Variants in NCAM1 observed in about 807,000 individuals in gnomAD.
NCAM1 encodes the protein antigen recognized by monoclonal antibody 5.1H11.
A neutral mutation model predicts 109.8 loss-of-function variants in NCAM1; 14 were observed. That is an observed-to-expected ratio of 0.13 (90% CI 0.08 to 0.20). NCAM1 has a LOEUF of 0.20. Ranked by LOEUF, NCAM1 falls within the 10% of genes least tolerant of loss-of-function variation. The probability of loss-of-function intolerance (pLI) is 1.00; values close to 1 mark genes in which losing one functional copy is unlikely to be tolerated. For missense variants in NCAM1, 774 were observed against 1,109.9 expected, an observed-to-expected ratio of 0.70 and a Z score of 4.30; for synonymous variants, 418 against 442.9, an observed-to-expected ratio of 0.94 and a Z score of 0.70.
chr11:113,107,153 G>A (rs1218298762), intron 1 of NCAM1, among the ~76,000 whole-genome samples: 1 of 152,200 alleles, frequency 6.6e-6, no homozygotes, highest in Non-Finnish European at 1.5e-5. Context: ...ACTTGGGAGA[G>A]TGTGGTTATA....
chr11:113,000,847 T>TATATACAC (rs1306306918), intron 1 of NCAM1, among the ~76,000 whole-genome samples: 27 of 113,586 alleles, frequency 2.4e-4, no homozygotes, highest in African/African-American at 9.5e-4. Context: ...TATATATATA[T>TATATACAC]ACACAAAAAA....
chr11:113,038,885 T>C (rs1727751146), intron 1 of NCAM1, among the ~76,000 whole-genome samples: 1 of 152,202 alleles, frequency 6.6e-6, no homozygotes. Context: ...TGTGCTTTCT[T>C]GGGAGAAACG....
At chr11:113,263,202 A>G (rs1946057163) in intron 17 of NCAM1, 2 of 1,107,122 alleles carry the variant, frequency 1.8e-6, no homozygotes, top group Admixed American at 9.2e-5. Context: ...TTTAAAAACC[A>G]TCATGCTAGA....
Position 113,270,355 on chromosome 11 carries a change from G to T in NCAM1, c.2299G>T (p.Ala767Ser), listed in dbSNP as rs374937789. Residue 767 changes from alanine (A) to serine (S), a missense_variant, in exon 18 of 20, where the codon GCC becomes TCC. Ala to Ser is a moderately conservative substitution (Grantham distance 99). Around this residue, in one of 4 missense-constraint regions of NCAM1, gnomAD observed 122 missense variants for 129.7 expected, o/e 0.94. Coordinates refer to ENST00000316851, the MANE Select transcript of NCAM1 (RefSeq NM_181351.5). ...VNLCGKAGPG[A>S]KGKDMEEGKA... ...CCTGTGTGGAAAAGCCGGGCCCGGG[G>T]CCAAGGGCAAGGACATGGAGGAGGG... The T allele has an allele frequency of 2.1e-5, 34 of 1,613,886 alleles. No individual in the cohort carries two copies. Among genetic ancestry groups the T allele is most frequent in the Non-Finnish European group, 2.8e-5 (33 of 1,179,906 alleles).
chr11:113,053,327 A>T (rs1479403838), intron 1 of NCAM1, among the ~76,000 whole-genome samples: 1 of 152,100 alleles, frequency 6.6e-6, no homozygotes, highest in Admixed American at 6.5e-5. Flanking sequence ...ATTTGGGTTG[A>T]TTCCATGTCT....
intron 17 of NCAM1, chr11:113,265,022 T>A: frequency 1.0e-6 from 1 of 985,470 alleles, no homozygotes; most frequent in Non-Finnish European, 1.2e-6. Context: ...GTAGTTGTGC[T>A]GCCCATGCTC....
At chr11:113,160,951 C>G (rs964142753) in intron 1 of NCAM1, among the ~76,000 whole-genome samples, 1 of 152,134 alleles carries the variant, frequency 6.6e-6, no homozygotes, top group South Asian at 2.1e-4. Context: ...ATTAAACTAT[C>G]TTCTTGTCCA....
At chr11:113,050,771 T>C (rs1167887526) in intron 1 of NCAM1, among the ~76,000 whole-genome samples, 7 of 152,230 alleles carry the variant, frequency 4.6e-5, no homozygotes, top group African/African-American at 1.7e-4. Context: ...GGGCAGTCAC[T>C]TTCATATTCT....
intron 1 of NCAM1, among the ~76,000 whole-genome samples, chr11:113,033,220 A>G (rs1952773392): frequency 1.3e-5 from 2 of 152,194 alleles, no homozygotes. Context: ...GTGTGATAGT[A>G]ATGTTATCAG....
At chr11:113,198,906 T>C (rs1239356616) in intron 1 of NCAM1, among the ~76,000 whole-genome samples, 3 of 152,184 alleles carry the variant, frequency 2.0e-5, no homozygotes, top group Non-Finnish European at 4.4e-5. Context: ...ACAATAATAT[T>C]GGCCTTTTTA....
intron 1 of NCAM1, among the ~76,000 whole-genome samples, chr11:112,972,981 A>G (rs1390571466): frequency 2.0e-5 from 3 of 152,112 alleles, no homozygotes; most frequent in African/African-American, 7.2e-5. Flanking sequence ...TTTGCAAAGG[A>G]CAACAGGACA....
intron 14 of NCAM1, among the ~76,000 whole-genome samples, chr11:113,242,143 T>C (rs1328341349): frequency 1.3e-5 from 2 of 152,242 alleles, no homozygotes; most frequent in African/African-American, 4.8e-5. Context: ...CACTTACCTT[T>C]TCAGTGTTTG....
chr11:113,127,788 G>A (rs1555097424), intron 1 of NCAM1, among the ~76,000 whole-genome samples: 1 of 152,280 alleles, frequency 6.6e-6, no homozygotes, highest in South Asian at 2.1e-4. Flanking sequence ...GACAGAAATA[G>A]TCCGGTGGTT....
intron 1 of NCAM1, among the ~76,000 whole-genome samples, chr11:113,078,190 C>A (rs1278577081): frequency 1.3e-5 from 2 of 152,118 alleles, no homozygotes; most frequent in African/African-American, 4.8e-5. Context: ...TTTCTTCCAG[C>A]GTCTGATGGC....
chr11:113,233,082 C>A lies in NCAM1; in HGVS notation c.1523-65C>A. The A allele has an allele frequency of 2.0e-6, 3 of 1,473,556 alleles. No homozygotes were observed. The highest frequency in any genetic ancestry group is 2.8e-6 in the Non-Finnish European group (3 of 1,074,706). 91.3% of individuals were successfully genotyped at this position (1,473,556 alleles called of 1,614,324 possible). A position where few individuals can be genotyped will look rare whatever the true frequency, so the allele number is the denominator to read the frequency against. On this transcript the variant is annotated intron_variant, in intron 12 of 19. Coordinates refer to ENST00000316851, the MANE Select transcript of NCAM1 (RefSeq NM_181351.5). The surrounding 1 kb of genome is among the most constrained non-coding windows in gnomAD (Gnocchi z 4.5). Reference sequence around the variant, plus strand: ...GAAATGACAGAGATGTGCCTTGTGACTGAGAGTTAATGGTCTTGGGCCAAA... The same window carrying A: ...GAAATGACAGAGATGTGCCTTGTGAATGAGAGTTAATGGTCTTGGGCCAAA...
At chr11:113,028,716 CTAAGT>C (rs1555077861) in intron 1 of NCAM1, among the ~76,000 whole-genome samples, 2 of 152,066 alleles carry the variant, frequency 1.3e-5, no homozygotes, top group African/African-American at 2.4e-5. Flanking sequence ...TTCTTTCTTC[CTAAGT>C]TATCTGGGTA....
intron 1 of NCAM1, among the ~76,000 whole-genome samples, chr11:113,102,755 G>A (rs543402904): frequency 6.6e-6 from 1 of 152,332 alleles, no homozygotes; most frequent in South Asian, 2.1e-4. Context: ...ATGGAAAGCT[G>A]ACCATAGATT....
At chr11:113,248,634 T>A (rs1945570378) in intron 15 of NCAM1, among the ~76,000 whole-genome samples, 1 of 152,114 alleles carries the variant, frequency 6.6e-6, no homozygotes, top group South Asian at 2.1e-4. Context: ...GTCCACCTTG[T>A]ACCCCCTCAA....
At chr11:113,188,389 A>G (rs1943576899) in intron 1 of NCAM1, among the ~76,000 whole-genome samples, 1 of 152,224 alleles carries the variant, frequency 6.6e-6, no homozygotes, top group Non-Finnish European at 1.5e-5. Context: ...CTGTTTCTAC[A>G]GCAGCAGAAA....
Sources: allele counts gnomAD v4.1 joint callset (sites outside exome capture counted in the v4.1 genomes callset), GRCh38; gene constraint gnomAD v4.1.1; regional missense constraint gnomAD v4.1.1; non-coding constraint Gnocchi (gnomAD v3.1); transcripts MANE v1.5; gene names NCBI Gene and HGNC (gene_info 2026-07-23, HGNC 2026-07-21).